Variants in NRG1 observed in about 807,000 individuals in gnomAD.
The protein encoded by NRG1 is neuregulin 1.
In NRG1, 18 loss-of-function variants were observed where a neutral mutation model predicts 63.8. The ratio of observed to expected loss-of-function variants is 0.28; its 90% CI spans 0.19 to 0.42. The LOEUF (loss-of-function observed/expected upper bound fraction) is 0.42. Among genes scored for constraint, NRG1 ranks in the 10% least tolerant of loss-of-function variants. The pLI is 1.00. For missense variants in NRG1, 762 were observed against 814.7 expected, an observed-to-expected ratio of 0.94 and a Z score of 0.79; for synonymous variants, 302 against 301.3, an observed-to-expected ratio of 1.00 and a Z score of -0.02.
chr8:31,758,470 G>A (rs1239517252), intron 1 of NRG1, among the ~76,000 whole-genome samples: 1 of 152,076 alleles, frequency 6.6e-6, no homozygotes, highest in Non-Finnish European at 1.5e-5. Flanking sequence ...CAACTCAAAT[G>A]CCCATCAATG....
intron 1 of NRG1, among the ~76,000 whole-genome samples, chr8:32,575,313 ACTT>A (rs1375473890): frequency 6.6e-6 from 1 of 151,908 alleles, no homozygotes; most frequent in Non-Finnish European, 1.5e-5. Context: ...TGGTTGGCCT[ACTT>A]CTTCTTTCTC....
At chr8:32,662,830 G>T (rs1803201221) in intron 5 of NRG1, among the ~76,000 whole-genome samples, 1 of 152,108 alleles carries the variant, frequency 6.6e-6, no homozygotes. Flanking sequence ...AGATCATTTT[G>T]CTCAGTCTCC....
At chr8:32,689,136 TGTATA>T (rs1361205115) in intron 5 of NRG1, among the ~76,000 whole-genome samples, 41 of 152,314 alleles carry the variant, frequency 2.7e-4, no homozygotes, top group Non-Finnish European at 2.9e-5. Flanking sequence ...GCCTATTATT[TGTATA>T]GTTTAGGTTT....
Position 32,676,646 on chromosome 8 carries a change from CACTT to C in NRG1, c.503-51299_503-51296del, listed in dbSNP as rs1009490393. ...TTTTGTAAACTTTAACAACGGCTGA[CACTT>C]ACTCAATATTGGCTATGGTTTTATC... is the stretch of plus-strand genomic sequence containing the variant. On this transcript the variant is annotated intron_variant, in intron 5 of 11. Transcript: ENST00000356819. 1.3e-5 allele frequency among the ~76,000 whole-genome samples: 2 copies of C among 152,224 alleles called. 1 individual carries two copies. The highest frequency in any genetic ancestry group is 4.8e-5 in the African/African-American group (2 of 41,544).
chr8:32,230,783 G>GTGAAATTT (rs71541805), intron 1 of NRG1, among the ~76,000 whole-genome samples: 103,551 of 151,278 alleles, frequency 0.68, 35,844 homozygotes, highest in Admixed American at 0.78. Context: ...TGGGGTACAT[G>GTGAAATTT]TGAAATTTTG....
At chr8:31,691,150 G>A (rs1388402998) in intron 1 of NRG1, among the ~76,000 whole-genome samples, 1 of 152,160 alleles carries the variant, frequency 6.6e-6, no homozygotes, top group Non-Finnish European at 1.5e-5. Flanking sequence ...GTAGGTAGTA[G>A]ATGTTTATTT....
chr8:31,649,207 G>A (rs1259121822), intron 1 of NRG1, among the ~76,000 whole-genome samples: 2 of 152,088 alleles, frequency 1.3e-5, no homozygotes, highest in Non-Finnish European at 2.9e-5. Context: ...CGCCTGCCTC[G>A]GCCTCCCAAA....
At chr8:32,096,710 A>G (rs1329909298) in intron 1 of NRG1, among the ~76,000 whole-genome samples, 1 of 152,156 alleles carries the variant, frequency 6.6e-6, no homozygotes, top group Non-Finnish European at 1.5e-5. Context: ...CTAGCAGAGG[A>G]AGAACTCACT....
intron 1 of NRG1, among the ~76,000 whole-genome samples, chr8:31,818,634 G>A (rs1823684541): frequency 6.6e-6 from 1 of 152,154 alleles, no homozygotes; most frequent in Non-Finnish European, 1.5e-5. Flanking sequence ...TGATTTAACA[G>A]GCTGCGGAGC....
intron 1 of NRG1, among the ~76,000 whole-genome samples, chr8:32,386,126 G>T (rs766942685): frequency 6.6e-6 from 1 of 152,140 alleles, no homozygotes; most frequent in Non-Finnish European, 1.5e-5. Context: ...TTTAGAGACA[G>T]AGTCTCACTC....
At chr8:32,104,268 T>G (rs1830969704) in intron 1 of NRG1, among the ~76,000 whole-genome samples, 1 of 152,200 alleles carries the variant, frequency 6.6e-6, no homozygotes, top group Non-Finnish European at 1.5e-5. Context: ...TTTGTTTATC[T>G]AAACTATCAA....
In NRG1 at chr8:32,756,287, CTCA is replaced by C. The variant is rs1829670171; in HGVS notation, c.795-112_795-110del. Reference sequence around the variant, plus strand: ...AGTGGACATACTCCCTTCCCTCTTCCTCATCACCAGTCTACTGCCTTGAACTAC... The same window carrying C: ...AGTGGACATACTCCCTTCCCTCTTCCTCACCAGTCTACTGCCTTGAACTAC... On this transcript the variant is annotated intron_variant, in intron 8 of 11. Coordinates refer to ENST00000356819, the Ensembl canonical transcript of NRG1. The C allele has an allele frequency of 5.2e-6, 6 of 1,149,910 alleles. No homozygotes were observed. In the Admixed American group the frequency reaches 1.5e-4, roughly 28 times the overall value. The allele number at this position is 1,149,910 out of a possible 1,614,324, so 71.2% of individuals were successfully genotyped here.
intron 1 of NRG1, among the ~76,000 whole-genome samples, chr8:32,101,770 C>T (rs1312938243): frequency 1.3e-5 from 2 of 152,086 alleles, no homozygotes; most frequent in East Asian, 1.9e-4. Flanking sequence ...AAAGATTTTC[C>T]CTTATAGTTA....
At chr8:31,652,839 C>A (rs1461843200) in intron 1 of NRG1, among the ~76,000 whole-genome samples, 3 of 151,994 alleles carry the variant, frequency 2.0e-5, no homozygotes, top group Non-Finnish European at 4.4e-5. Flanking sequence ...ATTGACTTTT[C>A]TTTCTTTGCT....
chr8:32,027,781 A>G (rs1817691376), intron 1 of NRG1, among the ~76,000 whole-genome samples: 1 of 152,068 alleles, frequency 6.6e-6, no homozygotes, highest in Non-Finnish European at 1.5e-5. Flanking sequence ...GTGCAATGGG[A>G]GAGGGGTTTT....
At chr8:31,858,362 C>T (rs914808713) in intron 1 of NRG1, among the ~76,000 whole-genome samples, 6 of 151,112 alleles carry the variant, frequency 4.0e-5, no homozygotes, top group Non-Finnish European at 7.4e-5. Flanking sequence ...GATCGTTCGA[C>T]ATTTGAAGAA....
intron 1 of NRG1, among the ~76,000 whole-genome samples, chr8:31,832,880 G>T (rs1825304905): frequency 1.3e-5 from 2 of 152,086 alleles, no homozygotes; most frequent in Non-Finnish European, 2.9e-5. Context: ...TTTTTCTTTT[G>T]CAAGTGTTTT....
chr8:32,659,288 A>G (rs1802283251), intron 5 of NRG1, among the ~76,000 whole-genome samples: 1 of 151,996 alleles, frequency 6.6e-6, no homozygotes, highest in Middle Eastern at 3.4e-3. Flanking sequence ...GGCTACAGGC[A>G]TGCACTATCA....
At chr8:32,235,313 C>T (rs147291826) in intron 1 of NRG1, among the ~76,000 whole-genome samples, 2 of 149,680 alleles carry the variant, frequency 1.3e-5, no homozygotes, top group Non-Finnish European at 3.0e-5. Context: ...GTGGGAGGAT[C>T]GCTTGAACCC....
Sources: gnomAD v4.1 joint callset for allele counts (sites outside exome capture counted in the v4.1 genomes callset) on GRCh38, gnomAD v4.1.1 for gene constraint, MANE v1.5 for transcripts, NCBI Gene and HGNC (gene_info 2026-07-23, HGNC 2026-07-21) for gene names.